Variants in NRG3 observed in about 807,000 individuals in gnomAD.
The protein encoded by NRG3 is neuregulin 3.
Under a neutral mutation model 66.9 loss-of-function variants are expected in NRG3, and 31 were observed. That is an observed-to-expected ratio of 0.46 (90% CI 0.35 to 0.63). The LOEUF is 0.63. Ranked by LOEUF, NRG3 falls within the 20% of genes least tolerant of loss-of-function variation. The pLI, the probability that NRG3 is intolerant of heterozygous loss-of-function variation, is 0.00. For synonymous variants in NRG3, 393 were observed against 359.4 expected (o/e 1.09, Z -1.06); for missense variants, 910 against 878.9 (o/e 1.04, Z -0.45).
At chr10:82,617,356 C>A (rs1222349475) in intron 2 of NRG3, among the ~76,000 whole-genome samples, 4 of 151,268 alleles carry the variant, frequency 2.6e-5, no homozygotes, top group Admixed American at 2.0e-4. Flanking sequence ...ACACACACAC[C>A]ACACACATGG....
intron 1 of NRG3, among the ~76,000 whole-genome samples, chr10:82,147,546 T>C (rs2070346243): frequency 6.6e-6 from 1 of 152,208 alleles, no homozygotes; most frequent in Admixed American, 6.5e-5. Context: ...AAAAGTATTA[T>C]GCTGATGGCA....
At chr10:82,574,665 G>T (rs1390032716) in intron 2 of NRG3, among the ~76,000 whole-genome samples, 2 of 151,678 alleles carry the variant, frequency 1.3e-5, no homozygotes, top group African/African-American at 4.8e-5. Context: ...TTATAATTAT[G>T]TATCAATTAA....
intron 2 of NRG3, among the ~76,000 whole-genome samples, chr10:82,573,093 A>G (rs117294463): frequency 0.012 from 1,849 of 151,942 alleles, 25 homozygotes; most frequent in Non-Finnish European, 0.021. Flanking sequence ...ATATGTGAGA[A>G]TATGTGACAA....
chr10:82,506,022 C>T (rs892485387), intron 2 of NRG3, among the ~76,000 whole-genome samples: 1 of 152,100 alleles, frequency 6.6e-6, no homozygotes, highest in Non-Finnish European at 1.5e-5. Context: ...CCGAGGCAGG[C>T]GGACCACAAT....
At chr10:82,353,491 T>C (rs17099827) in intron 1 of NRG3, among the ~76,000 whole-genome samples, 17,198 of 152,200 alleles carry the variant, frequency 0.11, 1,702 homozygotes, top group East Asian at 0.26. Context: ...TTAATTACTC[T>C]ACTGATTACT....
At chr10:82,941,476 A>G (rs1211638311) in intron 4 of NRG3, among the ~76,000 whole-genome samples, 2 of 152,250 alleles carry the variant, frequency 1.3e-5, no homozygotes, top group East Asian at 1.9e-4. Context: ...GCAACTGCTT[A>G]TAAGCTCCTA....
chr10:82,958,774 C>G (rs940840235), intron 5 of NRG3, among the ~76,000 whole-genome samples, 175 bp from the exon 6 acceptor site: 2 of 152,108 alleles, frequency 1.3e-5, no homozygotes. Context: ...CAGGTTATCA[C>G]TAAACTGGAA....
chr10:82,301,088 T>C (rs1265416576), intron 1 of NRG3, among the ~76,000 whole-genome samples: 1 of 152,232 alleles, frequency 6.6e-6, no homozygotes, highest in East Asian at 1.9e-4. Flanking sequence ...AATTTGGATA[T>C]ATTTCATCAA....
At chr10:81,976,882 C>G (rs1195683875) in intron 1 of NRG3, among the ~76,000 whole-genome samples, 1 of 152,256 alleles carries the variant, frequency 6.6e-6, no homozygotes, top group East Asian at 1.9e-4. Flanking sequence ...TGAAGAGCAT[C>G]TGATAAACTT....
intron 1 of NRG3, among the ~76,000 whole-genome samples, chr10:82,345,698 A>G (rs938990448): frequency 8.6e-5 from 13 of 151,956 alleles, no homozygotes; most frequent in African/African-American, 2.9e-4. Context: ...ACCCATGAGC[A>G]TGGAATGTTC....
intron 3 of NRG3, among the ~76,000 whole-genome samples, chr10:82,749,789 G>GA (rs575504995): frequency 0.13 from 15,988 of 118,942 alleles, 1,312 homozygotes; most frequent in African/African-American, 0.27. Context: ...AGGAAGCACT[G>GA]AAAAAAAAAA....
At chr10:82,724,320 G>C (rs2057473281) in intron 2 of NRG3, among the ~76,000 whole-genome samples, 1 of 151,304 alleles carries the variant, frequency 6.6e-6, no homozygotes, top group Non-Finnish European at 1.5e-5. Context: ...AAGCTTCCTT[G>C]TTGCTGATGA....
chr10:82,130,057 A>G (rs1214966001), intron 1 of NRG3, among the ~76,000 whole-genome samples: 2 of 151,918 alleles, frequency 1.3e-5, no homozygotes, highest in African/African-American at 4.8e-5. Context: ...CCATGCATGC[A>G]ATTGTTTAAT....
At chr10:82,662,926 C>T (rs531419420) in intron 2 of NRG3, among the ~76,000 whole-genome samples, 24 of 152,160 alleles carry the variant, frequency 1.6e-4, no homozygotes, top group South Asian at 1.2e-3. Flanking sequence ...GAGCCCCAGC[C>T]GATGTAACTG....
chr10:81,892,958 A>C (rs1042582603), intron 1 of NRG3, among the ~76,000 whole-genome samples: 1 of 152,180 alleles, frequency 6.6e-6, no homozygotes, highest in Non-Finnish European at 1.5e-5. Flanking sequence ...ACTCTGTAGC[A>C]ACAAAAATTA....
chr10:82,583,884 C>T (rs1327101171), intron 2 of NRG3, among the ~76,000 whole-genome samples: 2 of 152,152 alleles, frequency 1.3e-5, no homozygotes, highest in African/African-American at 2.4e-5. Flanking sequence ...CTCAATCTCA[C>T]CCCTGGGCCT....
intron 2 of NRG3, among the ~76,000 whole-genome samples, chr10:82,445,597 G>A (rs1265906090): frequency 3.3e-5 from 5 of 151,978 alleles, no homozygotes; most frequent in Non-Finnish European, 5.9e-5. Flanking sequence ...ACTTTCTCCC[G>A]CTAAAAACTT....
chr10:82,604,613 T>G (rs776737719), intron 2 of NRG3, among the ~76,000 whole-genome samples: 46 of 152,072 alleles, frequency 3.0e-4, no homozygotes, highest in Admixed American at 1.4e-3. Flanking sequence ...GAAGCTGCAA[T>G]AATCAAGACA....
chr10:82,373,157 G>A (rs1340587323), intron 2 of NRG3, among the ~76,000 whole-genome samples: 1 of 152,178 alleles, frequency 6.6e-6, no homozygotes, highest in Non-Finnish European at 1.5e-5. Context: ...TCAGGCAGCA[G>A]GTTACCATAT....
Sources: allele counts gnomAD v4.1 joint callset (sites outside exome capture counted in the v4.1 genomes callset), GRCh38; gene constraint gnomAD v4.1.1; transcripts MANE v1.5; gene names NCBI Gene and HGNC (gene_info 2026-07-23, HGNC 2026-07-21).